The following AOPEP variants were observed in gnomAD, a reference collection of about 807,000 sequenced individuals.
The protein encoded by AOPEP is aminopeptidase O (putative).
In AOPEP, 77 loss-of-function variants were observed where a neutral mutation model predicts 98.1. That is an observed-to-expected ratio of 0.78 (90% CI 0.65 to 0.95). The LOEUF (loss-of-function observed/expected upper bound fraction) is 0.95, where lower values mean the gene tolerates loss of function less well. Among genes scored for constraint, AOPEP ranks in the 40% least tolerant of loss-of-function variants. The pLI, the probability that AOPEP is intolerant of heterozygous loss-of-function variation, is 0.00. For synonymous variants in AOPEP, 346 were observed against 365.3 expected (o/e 0.95, Z 0.60); for missense variants, 1,024 against 1,024.7 (o/e 1.00, Z 0.01).
intron 7 of AOPEP, among the ~76,000 whole-genome samples, chr9:94,938,094 C>T (rs1027173166): frequency 6.6e-6 from 1 of 152,182 alleles, no homozygotes; most frequent in Admixed American, 6.5e-5. Flanking sequence ...AGAATGGTCT[C>T]GATTTCCTGA....
At chr9:95,058,917 GAGA>G (rs1319897451) in intron 13 of AOPEP, among the ~76,000 whole-genome samples, 1 of 152,200 alleles carries the variant, frequency 6.6e-6, no homozygotes, top group East Asian at 1.9e-4. Flanking sequence ...GAACTGGAAG[GAGA>G]AGGAGGGCAG....
chr9:94,923,754 G>A (rs1019038972), intron 5 of AOPEP, among the ~76,000 whole-genome samples: 1 of 152,152 alleles, frequency 6.6e-6, no homozygotes, highest in African/African-American at 2.4e-5. Flanking sequence ...GGTAATAGCC[G>A]TTTGATGATG....
the AOPEP span, among the ~76,000 whole-genome samples, chr9:95,138,694 TTGTC>T: frequency 6.6e-6 from 1 of 152,194 alleles, no homozygotes; most frequent in Non-Finnish European, 1.5e-5. Flanking sequence ...GGCACGGTGT[TTGTC>T]ATTCATCCTG....
At position 94,910,176 on chromosome 9, in the gene AOPEP, T is replaced by C. The variant is rs1174666430; in HGVS notation, c.1365-13810T>C. Among the ~76,000 whole-genome samples the C allele has an allele frequency of 2.6e-5, 4 of 152,144 alleles. No individual in the cohort carries two copies. The East Asian group carries it at 7.7e-4, about 29-fold the overall frequency. ...TCCATTCTCACCTTTCCTCCTCACC[T>C]CTAGTCCTGCATTAGAAGCAGCCGG... On this transcript the variant is annotated intron_variant, in intron 5 of 16. Coordinates refer to ENST00000375315, the MANE Select transcript of AOPEP (RefSeq NM_001193329.3).
At chr9:94,983,372 C>T (rs1252167584) in intron 11 of AOPEP, among the ~76,000 whole-genome samples, 2 of 152,276 alleles carry the variant, frequency 1.3e-5, no homozygotes, top group East Asian at 3.9e-4. Context: ...ATTGCCAAGT[C>T]CTGAGGCCCT....
intron 5 of AOPEP, among the ~76,000 whole-genome samples, chr9:94,894,024 T>C (rs2049176480): frequency 6.6e-6 from 1 of 152,172 alleles, no homozygotes; most frequent in Non-Finnish European, 1.5e-5. Flanking sequence ...TACTAAAACC[T>C]CTCTGAACTT....
chr9:94,866,366 C>T (rs1431493719), intron 5 of AOPEP, among the ~76,000 whole-genome samples: 1 of 152,244 alleles, frequency 6.6e-6, no homozygotes, highest in African/African-American at 2.4e-5. Context: ...TCTTCCAGCC[C>T]TAATCCTATT....
At chr9:94,862,128 A>G (rs1188324032) in intron 5 of AOPEP, among the ~76,000 whole-genome samples, 1 of 152,124 alleles carries the variant, frequency 6.6e-6, no homozygotes, top group African/African-American at 2.4e-5. Context: ...AGAGCACACC[A>G]CCTCTACCTA....
rs958455057 is a variant in AOPEP, at chr9:95,067,199, C to G, written c.2232+6389C>G. Among the ~76,000 whole-genome samples, 4 of 152,102 alleles carry G rather than the reference C, an allele frequency of 2.6e-5. No individual in the cohort carries two copies. In the South Asian group the frequency reaches 6.2e-4, roughly 24 times the overall value. ...TCTGGACTTCAGGCTGTGAGAACCTCACAGCACAGATAGGATGTGAGCTTT... is the reference window on the plus strand; with the variant it reads ...TCTGGACTTCAGGCTGTGAGAACCTGACAGCACAGATAGGATGTGAGCTTT... On this transcript the variant is annotated intron_variant, in intron 14 of 16. Transcript: ENST00000375315.
At chr9:94,862,637 C>T (rs2045183373) in intron 5 of AOPEP, among the ~76,000 whole-genome samples, 1 of 152,226 alleles carries the variant, frequency 6.6e-6, no homozygotes, top group African/African-American at 2.4e-5. Flanking sequence ...TAAGGGCCAG[C>T]GCCTCCCTGG....
At chr9:94,931,425 G>A (rs2055282289) in intron 7 of AOPEP, among the ~76,000 whole-genome samples, 1 of 152,170 alleles carries the variant, frequency 6.6e-6, no homozygotes, top group Non-Finnish European at 1.5e-5. Flanking sequence ...TACTTACAAT[G>A]AGGAGGAAAT....
At chr9:94,936,682 A>G (rs1232344272) in intron 7 of AOPEP, among the ~76,000 whole-genome samples, 1 of 152,204 alleles carries the variant, frequency 6.6e-6, no homozygotes, top group East Asian at 1.9e-4. Flanking sequence ...TGTCCAGAGC[A>G]TCAGATCCCA....
intron 13 of AOPEP, among the ~76,000 whole-genome samples, chr9:95,031,688 C>T: frequency 6.6e-6 from 1 of 152,322 alleles, no homozygotes; most frequent in South Asian, 2.1e-4. Context: ...CACCTTAAAT[C>T]CTGTTCAAGC....
At chr9:94,928,068 C>T (rs989856271) in intron 6 of AOPEP, among the ~76,000 whole-genome samples, 1 of 152,134 alleles carries the variant, frequency 6.6e-6, no homozygotes, top group South Asian at 2.1e-4. Context: ...CCTTCCCCAT[C>T]CTGTGCAGAA....
intron 13 of AOPEP, among the ~76,000 whole-genome samples, chr9:95,046,052 CGG>C (rs2133695886): frequency 6.6e-6 from 1 of 152,284 alleles, no homozygotes; most frequent in African/African-American, 2.4e-5. Flanking sequence ...TTCCCAGATA[CGG>C]GTTCTTTAAA....
At chr9:95,123,206 G>A in the AOPEP span, 1 of 203,162 alleles carries the variant, frequency 4.9e-6, no homozygotes, top group East Asian at 1.6e-4. Context: ...GGGAGGCTGA[G>A]GTGGGGGGAT....
intron 5 of AOPEP, among the ~76,000 whole-genome samples, chr9:94,869,903 A>G (rs2046127425): frequency 6.6e-6 from 1 of 151,596 alleles, no homozygotes; most frequent in South Asian, 2.1e-4. Context: ...TTTCTCCCCT[A>G]ATAGGAAAGA....
chr9:94,730,662 TAA>T (rs922480351), intron 1 of AOPEP, among the ~76,000 whole-genome samples: 2 of 152,212 alleles, frequency 1.3e-5, no homozygotes, highest in African/African-American at 4.8e-5. Flanking sequence ...TTTCTACAAG[TAA>T]AAATTGTTTT....
At chr9:94,885,349 A>C (rs1477324669) in intron 5 of AOPEP, among the ~76,000 whole-genome samples, 7 of 18,978 alleles carry the variant, frequency 3.7e-4, no homozygotes, top group Non-Finnish European at 7.4e-4. Flanking sequence ...ATCCTGTCTC[A>C]AAAAAAAAAA....
Sources: gnomAD v4.1 joint callset for allele counts (sites outside exome capture counted in the v4.1 genomes callset) on GRCh38, gnomAD v4.1.1 for gene constraint, MANE v1.5 for transcripts, NCBI Gene and HGNC (gene_info 2026-07-23, HGNC 2026-07-21) for gene names.